The following DCHS2 variants were observed in gnomAD, a reference collection of about 807,000 sequenced individuals.
DCHS2 encodes protocadherin-23.
A neutral mutation model predicts 182.4 loss-of-function variants in DCHS2; 142 were observed. The observed-to-expected ratio is 0.78, with a 90% CI of 0.68 to 0.89. The LOEUF is 0.89. Among genes scored for constraint, DCHS2 ranks in the 40% least tolerant of loss-of-function variants. The pLI is 0.00. For missense variants in DCHS2, 4,319 were observed against 4,198.6 expected (o/e 1.03, Z -0.79); for synonymous variants, 1,740 against 1,663.3 (o/e 1.05, Z -1.12).
At chr4:154,424,314 G>A (rs546593984) in intron 1 of DCHS2, among the ~76,000 whole-genome samples, 1 of 152,270 alleles carries the variant, frequency 6.6e-6, no homozygotes, top group South Asian at 2.1e-4. Context: ...TAAAAAGGAA[G>A]CCAGAAAAGA....
rs150299118 is a variant in DCHS2, at chr4:154,235,079, C to T, written c.9573G>A (p.Glu3191=). ...NVLPQTVQKR[E]AKESILADVR... ...CGTCAGCCAGGATGCTCTCTTTTGC[C>T]TCTCTCTTCTGAACTGTCTGGGGTA... Residue 3191 remains glutamate, a synonymous_variant, in exon 20 of 20, where the codon GAG becomes GAA. Coordinates refer to ENST00000357232, the MANE Select transcript of DCHS2 (RefSeq NM_001358235.2). 48 of 1,613,924 alleles carry T rather than the reference C, an allele frequency of 3.0e-5. No homozygotes were observed. The African/African-American group carries it at 5.6e-4, about 19-fold the overall frequency.
intron 1 of DCHS2, among the ~76,000 whole-genome samples, chr4:154,461,899 CT>C (rs555587908): frequency 5.3e-4 from 81 of 152,310 alleles, no homozygotes; most frequent in African/African-American, 1.9e-3. Context: ...TACTTATTCA[CT>C]TTCCAAGGCT....
chr4:154,417,105 C>T (rs1732866120), intron 1 of DCHS2, among the ~76,000 whole-genome samples: 1 of 151,172 alleles, frequency 6.6e-6, no homozygotes, highest in Non-Finnish European at 1.5e-5. Context: ...AAACGCGAAT[C>T]ACATGGCTAA....
chr4:154,349,514 G>A (rs577969110), intron 3 of DCHS2, among the ~76,000 whole-genome samples: 35 of 152,260 alleles, frequency 2.3e-4, no homozygotes, highest in African/African-American at 8.2e-4. Flanking sequence ...TACAGACTGT[G>A]TTTCTATGTC....
At chr4:154,373,232 A>G (rs1730724730) in intron 2 of DCHS2, among the ~76,000 whole-genome samples, 2 of 152,168 alleles carry the variant, frequency 1.3e-5, no homozygotes, top group Non-Finnish European at 2.9e-5. Flanking sequence ...CAACTTTGTC[A>G]TCTTTCTCTT....
At chr4:154,469,320 A>G (rs1343078918) in intron 1 of DCHS2, among the ~76,000 whole-genome samples, 2 of 152,172 alleles carry the variant, frequency 1.3e-5, no homozygotes, top group East Asian at 3.8e-4. Flanking sequence ...TGTATTCAAT[A>G]CAACAGTGTA....
intron 3 of DCHS2, among the ~76,000 whole-genome samples, chr4:154,349,757 A>T (rs1160947005): frequency 6.6e-6 from 1 of 152,200 alleles, no homozygotes. Flanking sequence ...GCTGATTCAC[A>T]TGATATGTAT....
At chr4:154,382,284 T>C (rs1731205628) in intron 1 of DCHS2, among the ~76,000 whole-genome samples, 1 of 152,016 alleles carries the variant, frequency 6.6e-6, no homozygotes, top group Admixed American at 6.6e-5. Flanking sequence ...TTAAATGAAT[T>C]TTAATTTCAA....
At chr4:154,330,050 A>G (rs1001239456) in intron 5 of DCHS2, among the ~76,000 whole-genome samples, 1 of 152,214 alleles carries the variant, frequency 6.6e-6, no homozygotes, top group African/African-American at 2.4e-5. Flanking sequence ...TTATGCTGCT[A>G]TACAGAATGA....
chr4:154,301,594 C>T (rs898566608), intron 12 of DCHS2, among the ~76,000 whole-genome samples: 11 of 152,158 alleles, frequency 7.2e-5, no homozygotes, highest in Non-Finnish European at 1.2e-4. Flanking sequence ...CAACCTCTGC[C>T]TACCGGGTTC....
At position 154,235,883 on chromosome 4, in the gene DCHS2, A is replaced by C; in HGVS notation, c.8769T>G (p.Ser2923=). ...GVILYSLGTS[S]PFFSVNKTNG... ...TGGTTTTATTTACTGAAAAGAAAGGAGATGAGGTTCCAAGGGAGTAAAGAA... is the reference window on the plus strand; with the variant it reads ...TGGTTTTATTTACTGAAAAGAAAGGCGATGAGGTTCCAAGGGAGTAAAGAA... Residue 2923 remains serine (S), a synonymous_variant, in exon 20 of 20, where the codon TCT becomes TCG. Coordinates refer to ENST00000357232, the MANE Select transcript of DCHS2 (RefSeq NM_001358235.2). The C allele has an allele frequency of 6.2e-7, 1 of 1,614,076 alleles. No individual in the cohort carries two copies. Among genetic ancestry groups the C allele is most frequent in the Non-Finnish European group, 8.5e-7 (1 of 1,179,968 alleles).
intron 18 of DCHS2, 22 bp downstream of exon 18, chr4:154,240,515 G>T: frequency 1.2e-6 from 2 of 1,603,700 alleles, no homozygotes; most frequent in Non-Finnish European, 1.7e-6. Context: ...CTTTGGTTTC[G>T]GCATCTCTTT....
At chr4:154,394,470 C>T (rs1653410647) in intron 1 of DCHS2, among the ~76,000 whole-genome samples, 1 of 152,160 alleles carries the variant, frequency 6.6e-6, no homozygotes, top group South Asian at 2.1e-4. Flanking sequence ...CATCTCTAGG[C>T]ATTCTCTTGG....
intron 1 of DCHS2, among the ~76,000 whole-genome samples, chr4:154,415,589 C>T (rs1468138101): frequency 6.6e-6 from 1 of 152,156 alleles, no homozygotes; most frequent in African/African-American, 2.4e-5. Flanking sequence ...ACTTCCGGTA[C>T]TGGGGGAAAG....
Position 154,489,498 on chromosome 4 carries a change from T to C in DCHS2, c.1858A>G (p.Thr620Ala), listed in dbSNP as rs72731014. 0.19 allele frequency: 288,538 copies of C among 1,551,148 alleles called. 28,734 individuals carry two copies. Among genetic ancestry groups the C allele is most frequent in the Admixed American group, 0.32 (16,539 of 50,962 alleles). Residue 620 changes from threonine to alanine, a missense_variant, in exon 1 of 20, where the codon ACT becomes GCT. By Grantham distance (58) the Thr-to-Ala change is moderately conservative. Coordinates refer to ENST00000357232, the MANE Select transcript of DCHS2 (RefSeq NM_001358235.2). The part of the protein sequence containing the change: ...SESGAISTIR[T>A]LDREVQEAVE... ...GCCTCCTGGACCTCTCGGTCTAGAG[T>C]CCGGATAGTGCTGATCGCACCGCTT... is the stretch of plus-strand genomic sequence containing the variant.
Position 154,332,965 on chromosome 4 carries a change from G to A in DCHS2, c.3243C>T (p.Ser1081=), listed in dbSNP as rs1469789271. Residue 1081 remains serine (S), a synonymous_variant, in exon 5 of 20, where the codon TCC becomes TCT. Transcript: ENST00000357232. ...GATAGACCAAATGTTCGAAAGTCCA[G>A]GATGGGCTGTGTTCGCGTTTCTCGA... is the stretch of plus-strand genomic sequence containing the variant. ...VVIEKREHSP[S]WTFEHLVYQV... is the part of the protein sequence containing the mutation. The A allele has an allele frequency of 6.2e-7, 1 of 1,614,232 alleles. No individual in the cohort carries two copies. Among genetic ancestry groups the A allele is most frequent in the Non-Finnish European group, 8.5e-7 (1 of 1,180,046 alleles).
intron 15 of DCHS2, 120 bp downstream of exon 15, chr4:154,259,425 T>G: frequency 6.8e-7 from 1 of 1,461,146 alleles, no homozygotes; most frequent in South Asian, 1.5e-5. Context: ...GAAAGAGTGT[T>G]GTACTACAGG....
At chr4:154,388,347 T>A (rs1350355630) in intron 1 of DCHS2, among the ~76,000 whole-genome samples, 4 of 151,852 alleles carry the variant, frequency 2.6e-5, no homozygotes, top group African/African-American at 9.7e-5. Flanking sequence ...AAATTACATA[T>A]AAAAATCCCA....
chr4:154,289,072 A>G (rs1053661255), intron 13 of DCHS2, among the ~76,000 whole-genome samples: 3 of 152,054 alleles, frequency 2.0e-5, no homozygotes, highest in African/African-American at 4.8e-5. Flanking sequence ...GAAATAACAA[A>G]GATCAGAACA....
Sources: gnomAD v4.1 joint callset for allele counts (sites outside exome capture counted in the v4.1 genomes callset) on GRCh38, gnomAD v4.1.1 for gene constraint, MANE v1.5 for transcripts, NCBI Gene and HGNC (gene_info 2026-07-23, HGNC 2026-07-21) for gene names.